Variants in SMARCB1 observed in about 807,000 individuals in gnomAD.
The protein encoded by SMARCB1 is SWI/SNF related BAF chromatin remodeling complex subunit B1.
SMARCB1 carries 5 observed loss-of-function variants against 49.0 expected under a neutral mutation model. That is an observed-to-expected ratio of 0.10 (90% CI 0.05 to 0.21). The LOEUF (loss-of-function observed/expected upper bound fraction) is 0.21, where lower values mean the gene tolerates loss of function less well. Ranked by LOEUF, SMARCB1 falls within the 10% of genes least tolerant of loss-of-function variation. SMARCB1 has a pLI of 1.00. For missense variants in SMARCB1, 226 were observed against 509.2 expected, an observed-to-expected ratio of 0.44 and a Z score of 5.35; for synonymous variants, 201 against 200.1, an observed-to-expected ratio of 1.00 and a Z score of -0.04.
At chr22:23,796,691 T>C (rs1375995458) in intron 3 of SMARCB1, among the ~76,000 whole-genome samples, 1 of 152,154 alleles carries the variant, frequency 6.6e-6, no homozygotes, top group Non-Finnish European at 1.5e-5. Flanking sequence ...ATTGTGTACA[T>C]ATGGAGGGCA....
At chr22:23,809,055 G>T (rs1006195357) in intron 5 of SMARCB1, among the ~76,000 whole-genome samples, 1 of 150,770 alleles carries the variant, frequency 6.6e-6, no homozygotes, top group Non-Finnish European at 1.5e-5. Flanking sequence ...GGATGGTCTC[G>T]ATCTCCTGAC....
At chr22:23,798,943 G>A (rs908293038) in intron 3 of SMARCB1, among the ~76,000 whole-genome samples, 6 of 151,878 alleles carry the variant, frequency 4.0e-5, no homozygotes, top group Admixed American at 1.3e-4. Flanking sequence ...CCAGCTACTC[G>A]GGAGGCTGAG....
At chr22:23,815,876 T>C (rs1568951366) in intron 5 of SMARCB1, 1 of 152,248 alleles carries the variant, frequency 6.6e-6, no homozygotes, top group Non-Finnish European at 1.5e-5. Flanking sequence ...AATCTACAAT[T>C]ACTTAAAAAT....
In SMARCB1 at chr22:23,836,809, A is replaced by T; in HGVS notation, c.*2629A>T. ...AGGATGGGTTTTTTCTGCCCCAAGT[A>T]GGGGTCATGGGTAGGATGGAAGCTG... On this transcript the variant is annotated 3_prime_UTR_variant, in exon 9 of 9. Coordinates refer to ENST00000644036, the MANE Select transcript of SMARCB1 (RefSeq NM_003073.5). 1 of 1,419,788 alleles carries T rather than the reference A, an allele frequency of 7.0e-7. No homozygotes were observed. The allele number at this position is 1,419,788 out of a possible 1,614,324, so 87.9% of individuals were successfully genotyped here. A position where few individuals can be genotyped will look rare whatever the true frequency, so the allele number is the denominator to read the frequency against.
chr22:23,808,628 A>T (rs1442291774), intron 5 of SMARCB1, among the ~76,000 whole-genome samples: 5 of 152,002 alleles, frequency 3.3e-5, no homozygotes, highest in Admixed American at 2.6e-4. Context: ...GTACTGAAAG[A>T]AAAGAACTGT....
intron 6 of SMARCB1, chr22:23,817,269 G>T (rs1352463509): frequency 2.2e-6 from 1 of 446,000 alleles, no homozygotes; most frequent in Non-Finnish European, 4.2e-6. Context: ...AACCCAATAA[G>T]ATGCTGCCTT....
intron 5 of SMARCB1, among the ~76,000 whole-genome samples, chr22:23,806,068 A>G (rs776914885): frequency 9.2e-5 from 14 of 152,242 alleles, no homozygotes; most frequent in Non-Finnish European, 1.9e-4. Context: ...GCTCGTACTC[A>G]GCTTTTATTT....
chr22:23,824,925 A>G lies in SMARCB1; in HGVS notation c.796-300A>G, dbSNP rs35151722. Reference sequence around the variant, plus strand: ...AAGGGCAGAAAGGAAGGTCCCCACCAGCACAGGGCACAGGGGAGATGGGAT... The same window carrying G: ...AAGGGCAGAAAGGAAGGTCCCCACCGGCACAGGGCACAGGGGAGATGGGAT... On this transcript the variant is annotated intron_variant, in intron 6 of 8. Transcript: ENST00000644036. 17,706 of 502,128 alleles carry G rather than the reference A, an allele frequency of 0.035. 442 individuals carry two copies. Among genetic ancestry groups the G allele is most frequent in the East Asian group, 0.096 (2,669 of 27,908 alleles). The allele number at this position is 502,128 out of a possible 1,614,324, so 31.1% of individuals were successfully genotyped here. A position where few individuals can be genotyped will look rare whatever the true frequency, so the allele number is the denominator to read the frequency against.
chr22:23,790,766 C>T (rs975923031), intron 1 of SMARCB1, among the ~76,000 whole-genome samples: 3 of 152,024 alleles, frequency 2.0e-5, no homozygotes, highest in East Asian at 1.9e-4. Context: ...TCGCTTGAGC[C>T]GAGGAGTTCG....
At chr22:23,833,796 C>A in intron 8 of SMARCB1, 93 bp downstream of exon 8, 3 of 1,446,712 alleles carry the variant, frequency 2.1e-6, no homozygotes, top group South Asian at 2.3e-5. Context: ...CTCCCATGGT[C>A]TCTGAGACAG....
chr22:23,800,675 C>T (rs1929082353), intron 3 of SMARCB1, among the ~76,000 whole-genome samples: 1 of 152,188 alleles, frequency 6.6e-6, no homozygotes, highest in Non-Finnish European at 1.5e-5. Flanking sequence ...GGAAGTGCTT[C>T]CGTGGAGCCA....
intron 6 of SMARCB1, among the ~76,000 whole-genome samples, chr22:23,822,515 C>T (rs2030146070): frequency 1.3e-5 from 2 of 152,186 alleles, no homozygotes; most frequent in Admixed American, 1.3e-4. Context: ...CAGTAGAGGT[C>T]TCAGCATGGC....
Position 23,836,974 on chromosome 22 carries a change from G to T in SMARCB1, c.*2794G>T. 1 of 1,603,342 alleles carries T rather than the reference G, an allele frequency of 6.2e-7. No homozygotes were observed. Among genetic ancestry groups the T allele is most frequent in the Admixed American group, 1.7e-5 (1 of 57,964 alleles). ...CCAGGAGCAGCTTTCTGTGGGGAGG[G>T]GCCCGTGTTGAGCACAGGCCAGCAC... On this transcript the variant is annotated 3_prime_UTR_variant, in exon 9 of 9. Coordinates refer to ENST00000644036, the MANE Select transcript of SMARCB1 (RefSeq NM_003073.5).
chr22:23,790,146 T>TG (rs1928284854), intron 1 of SMARCB1, among the ~76,000 whole-genome samples: 2 of 152,058 alleles, frequency 1.3e-5, no homozygotes, highest in East Asian at 1.9e-4. Flanking sequence ...GAAGGGGCTT[T>TG]GGGGGGCATC....
In SMARCB1 at chr22:23,837,413, C is replaced by A; in HGVS notation, c.*3233C>A. ...GGAGCCATGGGGCAGGAACCCTGAC[C>A]CTCCCATCCTCACTCCCATCAGGAC... On this transcript the variant is annotated 3_prime_UTR_variant, in exon 9 of 9. Coordinates refer to ENST00000644036, the MANE Select transcript of SMARCB1 (RefSeq NM_003073.5). 1 of 642,772 alleles carries A rather than the reference C, an allele frequency of 1.6e-6. No individual in the cohort carries two copies. The highest frequency in any genetic ancestry group is 2.7e-6 in the Non-Finnish European group (1 of 375,922). 39.8% of individuals were successfully genotyped at this position (642,772 alleles called of 1,614,324 possible).
rs73881840 is a variant in SMARCB1, at chr22:23,837,501, G to T, written c.*3321G>T. 2.6e-6 allele frequency: 2 copies of T among 781,564 alleles called. No individual in the cohort carries two copies. The highest frequency in any genetic ancestry group is 4.0e-6 in the Non-Finnish European group (2 of 495,010). The allele number at this position is 781,564 out of a possible 1,614,324, so 48.4% of individuals were successfully genotyped here. Reference sequence around the variant, plus strand: ...TTATGTGGGCCGGCTGGCTTGAGGGGCTGTAAGAGCACAGCAGCTGGGAGG... The same window carrying T: ...TTATGTGGGCCGGCTGGCTTGAGGGTCTGTAAGAGCACAGCAGCTGGGAGG... On this transcript the variant is annotated 3_prime_UTR_variant, in exon 9 of 9. Transcript: ENST00000644036.
At chr22:23,809,485 A>G (rs1369757512) in intron 5 of SMARCB1, among the ~76,000 whole-genome samples, 1 of 151,656 alleles carries the variant, frequency 6.6e-6, no homozygotes, top group Non-Finnish European at 1.5e-5. Flanking sequence ...CATGTTGGTC[A>G]GGCTGGCCTT....
At chr22:23,825,544 G>A (rs1367442912) in intron 7 of SMARCB1, 129 bp downstream of exon 7, 1 of 820,080 alleles carries the variant, frequency 1.2e-6, no homozygotes, top group Non-Finnish European at 1.9e-6. Context: ...GCTGGGGTCT[G>A]TGTGTTTGCT....
intron 7 of SMARCB1, among the ~76,000 whole-genome samples, chr22:23,829,203 G>T (rs779762933): frequency 6.6e-6 from 1 of 152,200 alleles, no homozygotes; most frequent in Non-Finnish European, 1.5e-5. Context: ...AGAGGAAACA[G>T]ATTCATGTGC....
Sources: gnomAD v4.1 joint callset for allele counts (sites outside exome capture counted in the v4.1 genomes callset) on GRCh38, gnomAD v4.1.1 for gene constraint, MANE v1.5 for transcripts, NCBI Gene and HGNC (gene_info 2026-07-23, HGNC 2026-07-21) for gene names.